The following STAM2 variants were observed in gnomAD, a reference collection of about 807,000 sequenced individuals.
STAM2 encodes signal transducing adapter molecule 2.
STAM2 carries 51 observed loss-of-function variants against 65.6 expected under a neutral mutation model. The ratio of observed to expected loss-of-function variants is 0.78; its 90% CI spans 0.62 to 0.98. The LOEUF is 0.98. Among genes scored for constraint, STAM2 ranks in the 50% least tolerant of loss-of-function variants. STAM2 has a pLI of 0.00. For synonymous variants in STAM2, 198 were observed against 208.4 expected (o/e 0.95, Z 0.43); for missense variants, 584 against 617.8 (o/e 0.95, Z 0.58).
At chr2:152,142,210 G>GA (rs1327971456) in intron 7 of STAM2, among the ~76,000 whole-genome samples, 1 of 152,138 alleles carries the variant, frequency 6.6e-6, no homozygotes, top group Non-Finnish European at 1.5e-5. Flanking sequence ...CATTCATGTT[G>GA]AATTCTCTTA....
chr2:152,171,740 T>C (rs941791135), intron 1 of STAM2, among the ~76,000 whole-genome samples: 2 of 152,222 alleles, frequency 1.3e-5, no homozygotes, highest in African/African-American at 4.8e-5. Flanking sequence ...CACAGAGTTT[T>C]GTAGAGGTAG....
At chr2:152,125,040 C>T (rs551587089) in intron 12 of STAM2, among the ~76,000 whole-genome samples, 14 of 152,274 alleles carry the variant, frequency 9.2e-5, no homozygotes, top group African/African-American at 3.1e-4. Flanking sequence ...TGGCAAAACG[C>T]AGTAAGTAGA....
intron 11 of STAM2, among the ~76,000 whole-genome samples, chr2:152,130,576 G>A (rs1689041184): frequency 6.6e-6 from 1 of 151,678 alleles, no homozygotes; most frequent in Non-Finnish European, 1.5e-5. Context: ...GGACAATAAG[G>A]GACAGGCACA....
At position 152,135,665 on chromosome 2, in the gene STAM2, G is replaced by A. The variant is rs1391733700; in HGVS notation, c.705-62C>T. The A allele has an allele frequency of 1.6e-5, 18 of 1,120,150 alleles. No individual in the cohort carries two copies. The Admixed American group carries it at 3.8e-4, about 23-fold the overall frequency. 69.4% of individuals were successfully genotyped at this position (1,120,150 alleles called of 1,614,324 possible). On this transcript the variant is annotated intron_variant, in intron 7 of 13. Transcript: ENST00000263904. ...ACATTTTAATACAATAAGCAAAGAT[G>A]AATTAAAAATTAAATTTAGCCTCCT...
intron 13 of STAM2, among the ~76,000 whole-genome samples, chr2:152,121,934 G>C (rs1486267697): frequency 6.6e-6 from 1 of 151,904 alleles, no homozygotes; most frequent in Non-Finnish European, 1.5e-5. Flanking sequence ...TGTAGTCCCA[G>C]CTACTCAGGA....
chr2:152,139,936 C>G (rs1003976857), intron 7 of STAM2, among the ~76,000 whole-genome samples: 1 of 151,958 alleles, frequency 6.6e-6, no homozygotes, highest in African/African-American at 2.4e-5. Context: ...TATAAGTTAT[C>G]TAGAGATAAT....
At chr2:152,153,277 T>C (rs1021964228) in intron 1 of STAM2, among the ~76,000 whole-genome samples, 1 of 152,038 alleles carries the variant, frequency 6.6e-6, no homozygotes, top group Non-Finnish European at 1.5e-5. Context: ...ATTTCAAATA[T>C]AGAATAATCT....
intron 7 of STAM2, 74 bp downstream of exon 7, chr2:152,143,752 CA>C: frequency 2.5e-6 from 3 of 1,224,022 alleles, no homozygotes; most frequent in Non-Finnish European, 3.4e-6. Context: ...CACTAAAAGT[CA>C]AAGAACTGAA....
In STAM2 at chr2:152,123,845, G is replaced by C; in HGVS notation, c.1270C>G (p.Gln424Glu). 6.2e-7 allele frequency: 1 copy of C among 1,614,028 alleles called. No individual in the cohort carries two copies. The highest frequency in any genetic ancestry group is 8.5e-7 in the Non-Finnish European group (1 of 1,179,878). The change falls in exon 13 of 14, where the codon CAA (glutamine) becomes GAA (glutamate). Residue 424 changes from glutamine to glutamate, a missense_variant. Transcript: ENST00000263904. ...GGCAGAGATCTCAGTGGACCAATTT[G>C]ATCGGGTCCTAGGCTATAGCTTTGG... The part of the protein sequence containing the change: ...VAQSYSLGPD[Q>E]IGPLRSLPPN...
At chr2:152,146,346 T>C (rs1247740070) in intron 5 of STAM2, among the ~76,000 whole-genome samples, 1 of 151,766 alleles carries the variant, frequency 6.6e-6, no homozygotes, top group Admixed American at 6.6e-5. Flanking sequence ...GTACTTCTCA[T>C]CGTCTCTTTC....
intron 8 of STAM2, among the ~76,000 whole-genome samples, chr2:152,134,472 T>C (rs1689116892): frequency 6.6e-6 from 1 of 152,192 alleles, no homozygotes. Context: ...TCAGTGAGTA[T>C]CAACCTCTCA....
intron 1 of STAM2, among the ~76,000 whole-genome samples, chr2:152,156,380 A>T (rs1689546861): frequency 6.6e-6 from 1 of 152,186 alleles, no homozygotes; most frequent in Admixed American, 6.5e-5. Context: ...GAGTATTTTA[A>T]ACCCCTGGAA....
At chr2:152,156,779 T>C (rs1174254610) in intron 1 of STAM2, among the ~76,000 whole-genome samples, 1 of 152,138 alleles carries the variant, frequency 6.6e-6, no homozygotes, top group Non-Finnish European at 1.5e-5. Flanking sequence ...ATAGGCTCTA[T>C]CAGTAATAAA....
intron 2 of STAM2, among the ~76,000 whole-genome samples, chr2:152,149,511 T>G (rs1689402456): frequency 6.6e-6 from 1 of 151,210 alleles, no homozygotes; most frequent in African/African-American, 2.4e-5. Context: ...TTTTTTTTTT[T>G]TTTTGAGACA....
intron 1 of STAM2, among the ~76,000 whole-genome samples, chr2:152,158,024 T>C (rs1417917816): frequency 1.3e-5 from 2 of 152,296 alleles, no homozygotes; most frequent in African/African-American, 2.4e-5. Flanking sequence ...TCAATAAAAA[T>C]AGATGTCAGC....
At chr2:152,126,754 C>CG (rs1466093517) in intron 11 of STAM2, among the ~76,000 whole-genome samples, 1 of 152,004 alleles carries the variant, frequency 6.6e-6, no homozygotes, top group Non-Finnish European at 1.5e-5. Flanking sequence ...ATTGGGTGTC[C>CG]GAAAAAAATC....
chr2:152,153,153 T>C (rs1689478773), intron 1 of STAM2, among the ~76,000 whole-genome samples: 1 of 152,162 alleles, frequency 6.6e-6, no homozygotes, highest in Non-Finnish European at 1.5e-5. Flanking sequence ...AATTTCAATA[T>C]CAAAGAATAC....
At chr2:152,139,059 A>G (rs565264382) in intron 7 of STAM2, among the ~76,000 whole-genome samples, 6 of 152,180 alleles carry the variant, frequency 3.9e-5, no homozygotes, top group Non-Finnish European at 7.3e-5. Context: ...CCAGCTCTAT[A>G]TTCTCTCCAC....
At chr2:152,147,019 G>A (rs1005375191) in intron 5 of STAM2, 143 bp downstream of exon 5, 7 of 688,480 alleles carry the variant, frequency 1.0e-5, no homozygotes, top group East Asian at 5.7e-5. Flanking sequence ...TCTACTAAAC[G>A]TAAGGAAGGC....
Sources: gnomAD v4.1 joint callset for allele counts (sites outside exome capture counted in the v4.1 genomes callset) on GRCh38, gnomAD v4.1.1 for gene constraint, MANE v1.5 for transcripts, NCBI Gene and HGNC (gene_info 2026-07-23, HGNC 2026-07-21) for gene names.